ELOVL6: variants seen among roughly 807,000 people sequenced by gnomAD.
ELOVL6 encodes the protein very long chain fatty acid elongase 6.
A neutral mutation model predicts 31.7 loss-of-function variants in ELOVL6; 8 were observed. The observed-to-expected ratio is 0.25, with a 90% CI of 0.15 to 0.45. The LOEUF (loss-of-function observed/expected upper bound fraction) is 0.45, where lower values mean the gene tolerates loss of function less well. ELOVL6 is among the 20% of genes least tolerant of loss of function. The pLI is 1.00. For missense variants in ELOVL6, 126 were observed against 326.4 expected (o/e 0.39, Z 4.73); for synonymous variants, 101 against 117.7 (o/e 0.86, Z 0.92).
intron 1 of ELOVL6, 65 bp from the exon 2 acceptor site, chr4:110,105,693 C>T (rs1756867674): frequency 6.2e-6 from 9 of 1,463,082 alleles, no homozygotes; most frequent in Admixed American, 3.9e-5. Flanking sequence ...AATTTTGTAC[C>T]AGTTCTCCTC....
In ELOVL6 at chr4:110,198,439, C is replaced by G. The variant is rs1387177362; in HGVS notation, c.-104G>C. On this transcript the variant is annotated 5_prime_UTR_variant, in exon 1 of 4. Transcript: ENST00000302274. The stretch of plus-strand genomic sequence containing the variant: ...TCCTGTCTGCTTCCCCCACCCACCC[C>G]CCTAGGTCTTCCCCACGCCGCTCGG... 6 of 710,180 alleles carry G rather than the reference C, an allele frequency of 8.4e-6. No individual in the cohort carries two copies. The highest frequency in any genetic ancestry group is 1.8e-5 in the African/African-American group (1 of 56,238). 44.0% of individuals were successfully genotyped at this position (710,180 alleles called of 1,614,324 possible). A position where few individuals can be genotyped will look rare whatever the true frequency, so the allele number is the denominator to read the frequency against.
intron 2 of ELOVL6, among the ~76,000 whole-genome samples, chr4:110,098,544 A>ACT (rs1465427077): frequency 6.6e-6 from 1 of 151,880 alleles, no homozygotes. Flanking sequence ...CCCCCTTTGG[A>ACT]CTCTCTCTGG....
intron 2 of ELOVL6, among the ~76,000 whole-genome samples, chr4:110,092,080 T>C (rs1291864253): frequency 6.6e-6 from 1 of 152,182 alleles, no homozygotes; most frequent in African/African-American, 2.4e-5. Context: ...TTGAAACACA[T>C]GCTAGGAAAC....
intron 1 of ELOVL6, among the ~76,000 whole-genome samples, chr4:110,160,095 TACAC>T (rs71818366): frequency 8.7e-5 from 13 of 150,178 alleles, no homozygotes; most frequent in Non-Finnish European, 1.9e-4. Context: ...GCTTACAACT[TACAC>T]ACACACACAC....
rs1408767666 is a variant in ELOVL6 at position 110,048,682 on chromosome 4, A to G, written c.*2656T>C. ...GTTAAAAACAGTGTATTGAACCTAT[A>G]TTACCAAAATTTTGTTTTGTTTTGT... On this transcript the variant is annotated 3_prime_UTR_variant, in exon 4 of 4. Coordinates refer to ENST00000302274, the MANE Select transcript of ELOVL6 (RefSeq NM_024090.3). 2.1e-5 allele frequency: 3 copies of G among 145,638 alleles called. No individual in the cohort carries two copies. Among genetic ancestry groups the G allele is most frequent in the Non-Finnish European group, 4.5e-5 (3 of 67,294 alleles). The allele number at this position is 145,638 out of a possible 1,614,324, so 9.0% of individuals were successfully genotyped here. A position where few individuals can be genotyped will look rare whatever the true frequency, so the allele number is the denominator to read the frequency against.
At chr4:110,112,053 A>G (rs1024929883) in intron 1 of ELOVL6, among the ~76,000 whole-genome samples, 31 of 152,262 alleles carry the variant, frequency 2.0e-4, no homozygotes, top group African/African-American at 7.0e-4. Flanking sequence ...ATCATGTCCC[A>G]TGGGTGAGAG....
chr4:110,083,722 G>C (rs1215303581), intron 2 of ELOVL6, among the ~76,000 whole-genome samples: 1 of 150,884 alleles, frequency 6.6e-6, no homozygotes, highest in Admixed American at 6.6e-5. Flanking sequence ...TATAAAAGTA[G>C]TCAGGCACTT....
intron 2 of ELOVL6, among the ~76,000 whole-genome samples, chr4:110,066,634 CAACAAA>C (rs1755311671): frequency 4.8e-5 from 1 of 20,710 alleles, no homozygotes; most frequent in African/African-American, 2.1e-4. Flanking sequence ...GACTCTGTCT[CAACAAA>C]AAAAAAAAAA....
At chr4:110,125,205 G>A (rs1012671318) in intron 1 of ELOVL6, among the ~76,000 whole-genome samples, 1 of 152,088 alleles carries the variant, frequency 6.6e-6, no homozygotes, top group Non-Finnish European at 1.5e-5. Context: ...TCAGTGAGTT[G>A]AGATGAAGTT....
chr4:110,196,987 C>T (rs1759821349), intron 1 of ELOVL6, among the ~76,000 whole-genome samples: 1 of 152,198 alleles, frequency 6.6e-6, no homozygotes, highest in Non-Finnish European at 1.5e-5. Context: ...GCTGCGGCCC[C>T]GTGGCACCAG....
intron 1 of ELOVL6, among the ~76,000 whole-genome samples, chr4:110,175,476 A>G (rs1418904134): frequency 6.6e-6 from 1 of 152,196 alleles, no homozygotes; most frequent in African/African-American, 2.4e-5. Context: ...GATAAAGTAA[A>G]TGTAGTGTGT....
intron 1 of ELOVL6, among the ~76,000 whole-genome samples, chr4:110,143,872 A>G (rs1758032946): frequency 6.6e-6 from 1 of 152,060 alleles, no homozygotes; most frequent in African/African-American, 2.4e-5. Context: ...CCTGACCAAC[A>G]TAGAGAAACT....
chr4:110,123,257 A>G lies in ELOVL6; in HGVS notation c.90-17629T>C, dbSNP rs374052930. ...CAAACTCACTTTATTTTAAATCTAAACAGTAAAAATTGTATTTTCTTATAG... is the reference window on the plus strand; with the variant it reads ...CAAACTCACTTTATTTTAAATCTAAGCAGTAAAAATTGTATTTTCTTATAG... On this transcript the variant is annotated intron_variant, in intron 1 of 3. Coordinates refer to ENST00000302274, the MANE Select transcript of ELOVL6 (RefSeq NM_024090.3). Among the ~76,000 whole-genome samples, 43 of 152,322 alleles carry G rather than the reference A, an allele frequency of 2.8e-4. 2 individuals are homozygous for G. In the East Asian group the frequency reaches 6.4e-3, roughly 23 times the overall value.
chr4:110,061,548 G>GTTTTTTTTT (rs778616602), intron 2 of ELOVL6, among the ~76,000 whole-genome samples: 2 of 85,738 alleles, frequency 2.3e-5, no homozygotes, highest in Non-Finnish European at 2.1e-5. Flanking sequence ...CCAAATGATG[G>GTTTTTTTTT]CTTTTTTTTT....
chr4:110,181,217 C>G (rs141337697), intron 1 of ELOVL6, among the ~76,000 whole-genome samples: 1 of 151,984 alleles, frequency 6.6e-6, no homozygotes, highest in Non-Finnish European at 1.5e-5. Context: ...GAGGCTGAGG[C>G]GGGTGGATTG....
intron 2 of ELOVL6, among the ~76,000 whole-genome samples, chr4:110,081,199 A>G (rs1755834409): frequency 6.6e-6 from 1 of 152,180 alleles, no homozygotes; most frequent in South Asian, 2.1e-4. Flanking sequence ...TGCCATCCCC[A>G]TCAAGCTACC....
chr4:110,190,710 G>A (rs1578292124), intron 1 of ELOVL6, among the ~76,000 whole-genome samples: 1 of 152,006 alleles, frequency 6.6e-6, no homozygotes, highest in East Asian at 1.9e-4. Context: ...TCACCATGTT[G>A]GCCAGGCTGG....
intron 1 of ELOVL6, among the ~76,000 whole-genome samples, chr4:110,162,014 C>T (rs1046950763): frequency 3.9e-5 from 6 of 152,088 alleles, no homozygotes; most frequent in South Asian, 2.1e-4. Context: ...ACTGGCTATC[C>T]GCAGGGAGGA....
At chr4:110,107,784 T>C (rs1756926745) in intron 1 of ELOVL6, among the ~76,000 whole-genome samples, 1 of 152,194 alleles carries the variant, frequency 6.6e-6, no homozygotes, top group Non-Finnish European at 1.5e-5. Context: ...ACTTTTTTTC[T>C]AATTTATAAA....
Sources: gnomAD v4.1 joint callset for allele counts (sites outside exome capture counted in the v4.1 genomes callset) on GRCh38, gnomAD v4.1.1 for gene constraint, MANE v1.5 for transcripts, NCBI Gene and HGNC (gene_info 2026-07-23, HGNC 2026-07-21) for gene names.